Variants in FKBP6 observed in about 807,000 individuals in gnomAD.
The protein encoded by FKBP6 is inactive peptidyl-prolyl cis-trans isomerase FKBP6.
In FKBP6, 29 loss-of-function variants were observed where a neutral mutation model predicts 41.7. The ratio of observed to expected loss-of-function variants is 0.70; its 90% CI spans 0.52 to 0.95. FKBP6 has a LOEUF of 0.95. Ranked by LOEUF, FKBP6 falls within the 40% of genes least tolerant of loss-of-function variation. The probability of loss-of-function intolerance (pLI) is 0.00; values close to 1 mark genes in which losing one functional copy is unlikely to be tolerated. For synonymous variants in FKBP6, 130 were observed against 165.1 expected (o/e 0.79, Z 1.63); for missense variants, 338 against 408.7 (o/e 0.83, Z 1.49).
rs781836957 is a variant in FKBP6 at position 73,330,298 on chromosome 7, G to A, written c.414G>A (p.Glu138=). Residue 138 remains glutamate, a synonymous_variant, in exon 4 of 9, where the codon GAG becomes GAA. Transcript: ENST00000252037. The stretch of plus-strand genomic sequence containing the variant: ...ACACCACTGTCCTGTTTGAGATTGA[G>A]CTGCTTGACTTCCTGGACTGTGCTG... ...PPNTTVLFEI[E]LLDFLDCAES... is the part of the protein sequence containing the mutation. The A allele has an allele frequency of 3.1e-6, 5 of 1,614,068 alleles. No individual in the cohort carries two copies. In the Admixed American group the frequency reaches 8.3e-5, roughly 27 times the overall value.
At position 73,328,587 on chromosome 7, in the gene FKBP6, C is replaced by T. The variant is rs200050904; in HGVS notation, c.70C>T (p.Arg24Trp). Residue 24 changes from arginine to tryptophan, a missense_variant, in exon 2 of 9, where the codon CGG (arginine) becomes TGG (tryptophan). Coordinates refer to ENST00000252037, the MANE Select transcript of FKBP6 (RefSeq NM_003602.5). ...CATTCTCCATCAGTCCCTGTACGAG[C>T]GGTTAAGTCAGAGGATGCTGGACAT... ...DDAPGQSLYE[R>W]LSQRMLDISG... 1.1e-3 allele frequency: 1,775 copies of T among 1,601,208 alleles called. 20 individuals are homozygous for T. The highest frequency in any genetic ancestry group is 6.8e-3 in the Middle Eastern group (30 of 4,406).
In FKBP6 at chr7:73,342,846, G is replaced by A; in HGVS notation, c.933G>A (p.Trp311Ter). Residue 311 changes from tryptophan to a stop codon, truncating the protein, a stop_gained, in exon 8 of 9, where the codon TGG (tryptophan) becomes TGA (stop). Coordinates refer to ENST00000252037, the MANE Select transcript of FKBP6 (RefSeq NM_003602.5). LOFTEE classifies it high-confidence loss of function. ...RDYVDKEKEM[W>*]HRMFAPCGDG... Reference sequence around the variant, plus strand: ...ATGTGGATAAAGAGAAAGAAATGTGGCACCGCATGTTCGCGCCCTGTGGCG... The same window carrying A: ...ATGTGGATAAAGAGAAAGAAATGTGACACCGCATGTTCGCGCCCTGTGGCG... The A allele has an allele frequency of 6.2e-7, 1 of 1,614,046 alleles. No homozygotes were observed. The highest frequency in any genetic ancestry group is 8.5e-7 in the Non-Finnish European group (1 of 1,179,878).
intron 8 of FKBP6, among the ~76,000 whole-genome samples, chr7:73,352,255 C>T (rs576972511): frequency 2.0e-4 from 30 of 152,328 alleles, no homozygotes; most frequent in African/African-American, 6.3e-4. Context: ...TGAGCCACCG[C>T]GCCCAGCCAT....
At position 73,337,609 on chromosome 7, in the gene FKBP6, C is replaced by T. The variant is rs537303302; in HGVS notation, c.589-3029C>T. Among the ~76,000 whole-genome samples, 11 of 152,188 alleles carry T rather than the reference C, an allele frequency of 7.2e-5. 1 individual carries two copies. The highest frequency in any genetic ancestry group is 2.6e-4 in the African/African-American group (11 of 41,524). ...GATTCCAGGTGTGAGCCATCGTGTC[C>T]GGCCTTCCAGTTCTTCCATTCTACT... On this transcript the variant is annotated intron_variant, in intron 5 of 8. Coordinates refer to ENST00000252037, the MANE Select transcript of FKBP6 (RefSeq NM_003602.5).
intron 8 of FKBP6, among the ~76,000 whole-genome samples, chr7:73,351,173 A>C (rs1805480663): frequency 6.6e-6 from 1 of 152,130 alleles, no homozygotes; most frequent in South Asian, 2.1e-4. Context: ...TTCGCCACAG[A>C]CATGCGCTAC....
intron 8 of FKBP6, among the ~76,000 whole-genome samples, chr7:73,346,428 G>A (rs184730268): frequency 2.4e-4 from 37 of 152,252 alleles, no homozygotes; most frequent in African/African-American, 8.2e-4. Context: ...TCAAGAGTGG[G>A]CTGTGAGGGA....
chr7:73,348,163 T>C (rs1458530750), intron 8 of FKBP6, among the ~76,000 whole-genome samples: 5 of 152,216 alleles, frequency 3.3e-5, no homozygotes, highest in African/African-American at 1.2e-4. Flanking sequence ...CCTTCTATTC[T>C]GTCTCCTTAA....
In FKBP6 at chr7:73,329,406, T is replaced by A; in HGVS notation, c.222T>A (p.Ser74=). 6.2e-7 allele frequency: 1 copy of A among 1,609,372 alleles called. No individual in the cohort carries two copies. The stretch of plus-strand genomic sequence containing the variant: ...AACACATGGACAGACCCTTCGATTC[T>A]AATTACTTTAGGAAAACTCCTCGGC... The part of the protein sequence containing the change: ...YLEHMDRPFD[S]NYFRKTPRLM... Residue 74 remains serine, a synonymous_variant, in exon 3 of 9, where the codon TCT becomes TCA. Coordinates refer to ENST00000252037, the MANE Select transcript of FKBP6 (RefSeq NM_003602.5).
Position 73,328,702 on chromosome 7 carries a change from G to A in FKBP6, c.175+10G>A. 1.9e-6 allele frequency: 3 copies of A among 1,612,000 alleles called. No individual in the cohort carries two copies. The highest frequency in any genetic ancestry group is 4.5e-5 in the East Asian group (2 of 44,878). On this transcript the variant is annotated intron_variant, in intron 2 of 8. Coordinates refer to ENST00000252037, the MANE Select transcript of FKBP6 (RefSeq NM_003602.5). ...GATGCTTCGGTGCTAGGTACGCCCT[G>A]GGGCGGTTTGTCCTCAGGATCCATG...
Position 73,341,324 on chromosome 7 carries a change from G to T in FKBP6, c.835G>T (p.Ala279Ser), listed in dbSNP as rs782792475. The T allele has an allele frequency of 7.4e-6, 12 of 1,613,930 alleles. No homozygotes were observed. The South Asian group carries it at 1.3e-4, about 18-fold the overall frequency. Reference sequence around the variant, plus strand: ...AAAGGCCCGGGATTTTCTAGTTCGAGCCCAGAAGGAGCAACCCTTCAATCA... The same window carrying T: ...AAAGGCCCGGGATTTTCTAGTTCGATCCCAGAAGGAGCAACCCTTCAATCA... ...YQKARDFLVR[A>S]QKEQPFNHDI... is the part of the protein sequence containing the mutation. Residue 279 changes from alanine to serine, a missense_variant, in exon 7 of 9, where the codon GCC becomes TCC. Physicochemically the swap from Ala to Ser is moderately conservative, Grantham distance 99. Coordinates refer to ENST00000252037, the MANE Select transcript of FKBP6 (RefSeq NM_003602.5).
intron 5 of FKBP6, 96 bp from the exon 6 acceptor site, chr7:73,340,542 C>T (rs1554549274): frequency 9.0e-6 from 9 of 998,980 alleles, no homozygotes; most frequent in South Asian, 3.9e-5. Context: ...CTGTAACAGC[C>T]GATTTTTAGC....
intron 8 of FKBP6, among the ~76,000 whole-genome samples, chr7:73,350,045 G>A (rs1355363250): frequency 6.6e-6 from 1 of 152,206 alleles, no homozygotes; most frequent in Non-Finnish European, 1.5e-5. Flanking sequence ...GGAACTGTGT[G>A]TCAGGAAATG....
chr7:73,332,889 A>G (rs922666840), intron 5 of FKBP6, among the ~76,000 whole-genome samples: 3 of 152,192 alleles, frequency 2.0e-5, no homozygotes, highest in Non-Finnish European at 4.4e-5. Context: ...GCCTGAGGCA[A>G]TTGCAGCCTC....
At chr7:73,339,815 G>T (rs1805118357) in intron 5 of FKBP6, among the ~76,000 whole-genome samples, 1 of 152,032 alleles carries the variant, frequency 6.6e-6, no homozygotes, top group South Asian at 2.1e-4. Flanking sequence ...GTTTCACCAT[G>T]TTGGCCAGAC....
intron 5 of FKBP6, chr7:73,339,093 A>C (rs1277020684): frequency 6.6e-6 from 1 of 152,270 alleles, no homozygotes; most frequent in African/African-American, 2.4e-5. Context: ...GTTTTTTAAA[A>C]AAATATATGA....
At chr7:73,328,977 TA>T (rs1390562184) in intron 2 of FKBP6, among the ~76,000 whole-genome samples, 1 of 152,090 alleles carries the variant, frequency 6.6e-6, no homozygotes, top group Admixed American at 6.5e-5. Context: ...GGCTAATTTT[TA>T]ATATTTTTGT....
At chr7:73,340,918 T>A in intron 6 of FKBP6, 86 bp downstream of exon 6, 41 of 135,014 alleles carry the variant, frequency 3.0e-4, no homozygotes, top group Non-Finnish European at 5.2e-4. Context: ...AAATGCTGTC[T>A]TTTTTTTTTT....
intron 5 of FKBP6, among the ~76,000 whole-genome samples, chr7:73,340,174 G>A (rs1487963834): frequency 3.3e-5 from 5 of 152,094 alleles, no homozygotes; most frequent in Non-Finnish European, 7.4e-5. Flanking sequence ...TGATGCTATT[G>A]TAAATGGAGT....
At chr7:73,329,526 A>G in intron 3 of FKBP6, 77 bp downstream of exon 3, 6 of 923,724 alleles carry the variant, frequency 6.5e-6, no homozygotes, top group Non-Finnish European at 1.1e-5. Flanking sequence ...GGCTGGGAAG[A>G]CTGCTCAGAG....
Sources: allele counts gnomAD v4.1 joint callset (sites outside exome capture counted in the v4.1 genomes callset), GRCh38; gene constraint gnomAD v4.1.1; transcripts MANE v1.5; gene names NCBI Gene and HGNC (gene_info 2026-07-23, HGNC 2026-07-21).